CDH1: variants seen among roughly 807,000 people sequenced by gnomAD.
The protein encoded by CDH1 is cadherin-1.
Under a neutral mutation model 84.5 loss-of-function variants are expected in CDH1, and 35 were observed. That is an observed-to-expected ratio of 0.41 (90% CI 0.32 to 0.55). The LOEUF is 0.55. CDH1 is among the 20% of genes least tolerant of loss of function. CDH1 has a pLI of 0.19. For missense variants in CDH1, 994 were observed against 1,126.6 expected, an observed-to-expected ratio of 0.88 and a Z score of 1.68; for synonymous variants, 417 against 439.0, an observed-to-expected ratio of 0.95 and a Z score of 0.63.
At chr16:68,810,689 C>T (rs986099447) in intron 6 of CDH1, among the ~76,000 whole-genome samples, 1 of 151,466 alleles carries the variant, frequency 6.6e-6, no homozygotes, top group African/African-American at 2.4e-5. Context: ...CATGGTGAAA[C>T]CTCGTCTCTA....
At chr16:68,818,710 C>T (rs978309618) in intron 10 of CDH1, among the ~76,000 whole-genome samples, 1 of 150,674 alleles carries the variant, frequency 6.6e-6, no homozygotes, top group Non-Finnish European at 1.5e-5. Context: ...ATTAGCCGGG[C>T]GTGATGGCGG....
chr16:68,788,394 A>C (rs750657008), intron 2 of CDH1, among the ~76,000 whole-genome samples: 10 of 152,186 alleles, frequency 6.6e-5, no homozygotes, highest in Non-Finnish European at 1.5e-4. Flanking sequence ...CCAGTTTTAG[A>C]ATACTTCCAC....
At chr16:68,777,834 C>A (rs35648619) in intron 2 of CDH1, among the ~76,000 whole-genome samples, 1 of 151,580 alleles carries the variant, frequency 6.6e-6, no homozygotes, top group African/African-American at 2.4e-5. Flanking sequence ...CAGGTTCAAG[C>A]GATTCTCCTG....
chr16:68,737,744 G>T (rs1039545519), intron 1 of CDH1, among the ~76,000 whole-genome samples: 1 of 152,176 alleles, frequency 6.6e-6, no homozygotes, highest in African/African-American at 2.4e-5. Flanking sequence ...TCGCGCGGGC[G>T]GTGGGGGCGT....
intron 10 of CDH1, 114 bp downstream of exon 10, chr16:68,815,873 A>T: frequency 8.1e-7 from 1 of 1,237,088 alleles, no homozygotes; most frequent in South Asian, 1.3e-5. Context: ...GTACAAGACC[A>T]TTCTCTTAAT....
At chr16:68,810,071 C>T in intron 5 of CDH1, 126 bp from the exon 6 acceptor site, 1 of 928,692 alleles carries the variant, frequency 1.1e-6, no homozygotes, top group Non-Finnish European at 1.8e-6. Flanking sequence ...GAAAAGTCAC[C>T]CACTGGGGGT....
rs1060504177 is a variant in CDH1 at position 68,808,471 on chromosome 16, C to G, written c.435C>G (p.Ser145=). The change falls in exon 4 of 16, where the codon TCC becomes TCG. Residue 145 remains serine, a synonymous_variant. Coordinates refer to ENST00000261769, the MANE Select transcript of CDH1 (RefSeq NM_004360.5). ...IQAELLTFPN[S]SPGLRRQKRD... is the part of the protein sequence containing the mutation. ...CAGAATTGCTCACATTTCCCAACTC[C>G]TCTCCTGGCCTCAGAAGACAGAAGA... 6.2e-7 allele frequency: 1 copy of G among 1,614,132 alleles called. No individual in the cohort carries two copies. The highest frequency in any genetic ancestry group is 8.5e-7 in the Non-Finnish European group (1 of 1,179,976).
rs34387170 is a variant in CDH1, at chr16:68,800,033, T to TAA, written c.164-1622_164-1621dup. Among the ~76,000 whole-genome samples the TAA allele has an allele frequency of 9.2e-4, 119 of 129,408 alleles. 1 individual carries two copies. The highest frequency in any genetic ancestry group is 5.1e-3 in the East Asian group (23 of 4,470). The allele number at this position is 129,408 out of a possible 152,430, so 84.9% of individuals were successfully genotyped here. A position where few individuals can be genotyped will look rare whatever the true frequency, so the allele number is the denominator to read the frequency against. On this transcript the variant is annotated intron_variant, in intron 2 of 15. Coordinates refer to ENST00000261769, the MANE Select transcript of CDH1 (RefSeq NM_004360.5). ...AAAAAAAATTAATAGTAATAATAAT[T>TAA]AAAAAAAAAAAAAAAACCAAGGTTG... is the stretch of plus-strand genomic sequence containing the variant.
chr16:68,814,921 T>TAAAAA (rs746677240), intron 9 of CDH1, among the ~76,000 whole-genome samples: 1 of 131,682 alleles, frequency 7.6e-6, no homozygotes. Flanking sequence ...CTCCATCTCT[T>TAAAAA]AAAAAAAAAA....
intron 13 of CDH1, among the ~76,000 whole-genome samples, chr16:68,827,676 T>G (rs1961356081): frequency 6.6e-6 from 1 of 152,136 alleles, no homozygotes; most frequent in African/African-American, 2.4e-5. Flanking sequence ...CTCACAAACC[T>G]TCAATGGCTC....
intron 14 of CDH1, among the ~76,000 whole-genome samples, chr16:68,829,320 G>A (rs1006319152): frequency 3.3e-5 from 5 of 152,158 alleles, no homozygotes; most frequent in Admixed American, 6.6e-5. Flanking sequence ...GCCCCAGATC[G>A]ATGGATGTAT....
chr16:68,811,566 A>T (rs1960830126), intron 6 of CDH1, 118 bp from the exon 7 acceptor site: 1 of 870,870 alleles, frequency 1.1e-6, no homozygotes, highest in Non-Finnish European at 1.9e-6. Context: ...GGGAACTCTG[A>T]CACGGTACCA....
At chr16:68,821,879 G>T in intron 11 of CDH1, 122 bp from the exon 12 acceptor site, 1 of 773,486 alleles carries the variant, frequency 1.3e-6, no homozygotes, top group African/African-American at 1.7e-5. Flanking sequence ...TCTGCGGGTG[G>T]AGTGGGGCCT....
chr16:68,752,764 A>G (rs185428843), intron 2 of CDH1, among the ~76,000 whole-genome samples: 1 of 152,288 alleles, frequency 6.6e-6, no homozygotes, highest in Admixed American at 6.5e-5. Flanking sequence ...TCTGGAGTCT[A>G]AAGGTCAGAT....
At chr16:68,759,756 G>T (rs1240864241) in intron 2 of CDH1, among the ~76,000 whole-genome samples, 3 of 152,096 alleles carry the variant, frequency 2.0e-5, no homozygotes, top group Non-Finnish European at 4.4e-5. Context: ...CAAAGTGCTA[G>T]GATTATAGAT....
In CDH1 at chr16:68,833,484, C is replaced by T. The variant is rs2229044; in HGVS notation, c.2634C>T (p.Gly878=). The T allele has an allele frequency of 8.3e-3, 13,401 of 1,613,628 alleles. 176 individuals carry two copies. In the Middle Eastern group the frequency reaches 0.094, roughly 11 times the overall value. Residue 878 remains glycine (G), a synonymous_variant, in exon 16 of 16, where the codon GGC becomes GGT. Transcript: ENST00000261769. ...RFKKLADMYG[G]GEDD is the part of the protein sequence containing the mutation. Reference sequence around the variant, plus strand: ...AGAAGCTGGCTGACATGTACGGAGGCGGCGAGGACGACTAGGGGACTCGAG... The same window carrying T: ...AGAAGCTGGCTGACATGTACGGAGGTGGCGAGGACGACTAGGGGACTCGAG...
intron 2 of CDH1, among the ~76,000 whole-genome samples, chr16:68,761,567 G>A (rs1959225639): frequency 6.6e-6 from 1 of 152,188 alleles, no homozygotes; most frequent in Non-Finnish European, 1.5e-5. Context: ...CAGGGAGCAG[G>A]CAATAAACAT....
rs111470791 is a variant in CDH1, at chr16:68,794,500, A to T, written c.164-7170A>T. ...TTCTTTCCTTTGCATTTTTATTTTT[A>T]AAAATTTGTTATTTTAATTTTTATT... On this transcript the variant is annotated intron_variant, in intron 2 of 15. Coordinates refer to ENST00000261769, the MANE Select transcript of CDH1 (RefSeq NM_004360.5). Among the ~76,000 whole-genome samples, 4 of 152,038 alleles carry T rather than the reference A, an allele frequency of 2.6e-5. No homozygotes were observed. In the East Asian group the frequency reaches 5.8e-4, roughly 22 times the overall value.
Position 68,829,682 on chromosome 16 carries a change from G to A in CDH1, c.2324G>A (p.Gly775Asp), listed in dbSNP as rs778581202. 5 of 1,614,100 alleles carry A rather than the reference G, an allele frequency of 3.1e-6. No individual in the cohort carries two copies. In the South Asian group the frequency reaches 5.5e-5, roughly 18 times the overall value. Reference sequence around the variant, plus strand: ...TTTGACTTGAGCCAGCTGCACAGGGGCCTGGACGCTCGGCCTGAAGTGACT... The same window carrying A: ...TTTGACTTGAGCCAGCTGCACAGGGACCTGGACGCTCGGCCTGAAGTGACT... Reference protein sequence around the residue: ...QDFDLSQLHRGLDARPEVTRN... With the variant: ...QDFDLSQLHRDLDARPEVTRN... Residue 775 changes from glycine (G) to aspartate (D), a missense_variant, in exon 15 of 16, where the codon GGC becomes GAC. Gly to Asp is a moderately conservative substitution (Grantham distance 94). This residue lies in a region of CDH1 where 769 missense variants were observed against 881.8 expected (regional missense o/e 0.87). Transcript: ENST00000261769.
Sources: allele counts gnomAD v4.1 joint callset (sites outside exome capture counted in the v4.1 genomes callset), GRCh38; gene constraint gnomAD v4.1.1; regional missense constraint gnomAD v4.1.1; transcripts MANE v1.5; gene names NCBI Gene and HGNC (gene_info 2026-07-23, HGNC 2026-07-21).